ROBO2: variants seen among roughly 807,000 people sequenced by gnomAD.
The protein encoded by ROBO2 is roundabout guidance receptor 2, also known as roundabout homolog 2.
In ROBO2, 53 loss-of-function variants were observed where a neutral mutation model predicts 160.8. The observed-to-expected ratio is 0.33, with a 90% CI of 0.26 to 0.41. The LOEUF is 0.41. ROBO2 is among the 10% of genes least tolerant of loss of function. The probability of loss-of-function intolerance (pLI) is 1.00; values close to 1 mark genes in which losing one functional copy is unlikely to be tolerated. For synonymous variants in ROBO2, 664 were observed against 611.7 expected, an observed-to-expected ratio of 1.09 and a Z score of -1.26; for missense variants, 1,577 against 1,722.4, an observed-to-expected ratio of 0.92 and a Z score of 1.49.
chr3:76,375,030 T>A (rs796486639), intron 2 of ROBO2, among the ~76,000 whole-genome samples: 3 of 151,656 alleles, frequency 2.0e-5, no homozygotes, highest in African/African-American at 7.2e-5. Context: ...TTAGATGGAA[T>A]CACTGAGTTA....
At chr3:77,222,275 A>G (rs916244502) in intron 2 of ROBO2, among the ~76,000 whole-genome samples, 1 of 152,220 alleles carries the variant, frequency 6.6e-6, no homozygotes, top group African/African-American at 2.4e-5. Flanking sequence ...CTATAGAAAT[A>G]TACTACATTG....
At chr3:77,165,304 G>C (rs1456151840) in intron 2 of ROBO2, among the ~76,000 whole-genome samples, 1 of 148,396 alleles carries the variant, frequency 6.7e-6, no homozygotes. Flanking sequence ...TGTCCACTCA[G>C]GGTTAAATGG....
chr3:76,655,455 T>TATATATATATATATATATATATATATATA (rs2091468454), intron 2 of ROBO2, among the ~76,000 whole-genome samples: 4 of 130,980 alleles, frequency 3.1e-5, no homozygotes, highest in Admixed American at 8.1e-5. Context: ...TATATATATA[T>TATATATATATATATATATATATATATATA]GGATTTTTTT....
chr3:76,676,221 A>G (rs1198735363), intron 2 of ROBO2, among the ~76,000 whole-genome samples: 1 of 152,108 alleles, frequency 6.6e-6, no homozygotes, highest in African/African-American at 2.4e-5. Flanking sequence ...TGATTAGATT[A>G]TGGAGGCGAT....
intron 2 of ROBO2, among the ~76,000 whole-genome samples, chr3:76,758,819 G>T (rs550727168): frequency 2.6e-5 from 4 of 151,932 alleles, no homozygotes; most frequent in East Asian, 3.9e-4. Context: ...AATTATAGTG[G>T]GAAGGGCTTT....
In ROBO2 at chr3:77,101,291, A is replaced by ATTTGT. The variant is rs202020622; in HGVS notation, c.388+2970_388+2974dup. ...ATGAGAAGTAGAGGATGATTACTAG[A>ATTTGT]TTTGTTTTGTTTTGTTTTGTTTTTG... On this transcript the variant is annotated intron_variant, in intron 2 of 25. Transcript: ENST00000461745. Among the ~76,000 whole-genome samples, 11 of 152,074 alleles carry ATTTGT rather than the reference A, an allele frequency of 7.2e-5. No homozygotes were observed. The South Asian group carries it at 8.3e-4, about 11-fold the overall frequency.
intron 2 of ROBO2, among the ~76,000 whole-genome samples, chr3:76,471,294 A>G (rs964356133): frequency 6.6e-6 from 1 of 152,188 alleles, no homozygotes; most frequent in African/African-American, 2.4e-5. Flanking sequence ...CTCTTAGACT[A>G]GACACATTTT....
In ROBO2 at chr3:77,121,893, A is replaced by T. The variant is rs577550457; in HGVS notation, c.388+23553A>T. On this transcript the variant is annotated intron_variant, in intron 2 of 25. Coordinates refer to ENST00000461745, the Ensembl canonical transcript of ROBO2. ...TTCATACACATTTCATCTTCACTGC[A>T]AGCCACTGATATTTAGAATTTTATT... 2.0e-4 allele frequency among the ~76,000 whole-genome samples: 31 copies of T among 152,264 alleles called. 1 individual carries two copies. In the South Asian group the frequency reaches 5.6e-3, roughly 27 times the overall value.
At chr3:76,118,997 A>G (rs529058773) in intron 2 of ROBO2, among the ~76,000 whole-genome samples, 1 of 152,266 alleles carries the variant, frequency 6.6e-6, no homozygotes, top group East Asian at 1.9e-4. Flanking sequence ...GTAGGTAAAG[A>G]TCTTCTTCAG....
Position 76,648,948 on chromosome 3 carries a change from C to T in ROBO2, c.110-449066C>T, listed in dbSNP as rs114219588. On this transcript the variant is annotated intron_variant, in intron 2 of 26. Coordinates refer to the ROBO2 transcript ENST00000487694. Reference sequence around the variant, plus strand: ...CATCTTAGTCACAAAATAAGGATGTCGGTGTACAACTATTTTATGCTGCCT... The same window carrying T: ...CATCTTAGTCACAAAATAAGGATGTTGGTGTACAACTATTTTATGCTGCCT... Among the ~76,000 whole-genome samples the T allele has an allele frequency of 3.6e-3, 541 of 152,062 alleles. 1 individual carries two copies. The highest frequency in any genetic ancestry group is 6.5e-3 in the Non-Finnish European group (443 of 67,934).
intron 2 of ROBO2, among the ~76,000 whole-genome samples, chr3:76,798,454 C>T (rs2063943881): frequency 6.6e-6 from 1 of 152,130 alleles, no homozygotes; most frequent in South Asian, 2.1e-4. Flanking sequence ...ACCAGTGGTG[C>T]AAGGATAGTT....
chr3:76,771,420 A>G (rs755870896), intron 2 of ROBO2, among the ~76,000 whole-genome samples: 1 of 151,258 alleles, frequency 6.6e-6, no homozygotes, highest in Non-Finnish European at 1.5e-5. Flanking sequence ...GCACCACTAT[A>G]AGGGTTTGGT....
intron 2 of ROBO2, among the ~76,000 whole-genome samples, chr3:76,720,484 T>C (rs2107707549): frequency 6.6e-6 from 1 of 152,254 alleles, no homozygotes; most frequent in African/African-American, 2.4e-5. Context: ...TCAGAGGCAT[T>C]TACTCTCTGA....
intron 2 of ROBO2, among the ~76,000 whole-genome samples, chr3:76,892,114 C>A (rs1340694244): frequency 6.6e-6 from 1 of 150,850 alleles, no homozygotes; most frequent in Non-Finnish European, 1.5e-5. Context: ...AATAACACTG[C>A]AAATACTGGC....
At chr3:76,302,028 G>A (rs1193366223) in intron 2 of ROBO2, among the ~76,000 whole-genome samples, 2 of 151,964 alleles carry the variant, frequency 1.3e-5, no homozygotes, top group Non-Finnish European at 2.9e-5. Flanking sequence ...ACTTAATGGA[G>A]CAAAGCTTGA....
chr3:77,151,142 A>T (rs151214205), intron 2 of ROBO2, among the ~76,000 whole-genome samples: 18 of 152,310 alleles, frequency 1.2e-4, no homozygotes, highest in African/African-American at 4.1e-4. Context: ...ATGGACAAAG[A>T]TGTATTTTAG....
chr3:76,823,636 G>A (rs1358095763), intron 2 of ROBO2, among the ~76,000 whole-genome samples: 2 of 151,990 alleles, frequency 1.3e-5, no homozygotes, highest in South Asian at 2.1e-4. Context: ...AAGGATGTGA[G>A]GTATTAAAAA....
At chr3:76,377,154 G>T (rs565484111) in intron 2 of ROBO2, among the ~76,000 whole-genome samples, 4 of 152,162 alleles carry the variant, frequency 2.6e-5, no homozygotes, top group African/African-American at 9.6e-5. Context: ...ATATTCAGAA[G>T]ATTTATATCT....
chr3:77,234,248 C>T (rs1158665875), intron 2 of ROBO2, among the ~76,000 whole-genome samples: 3 of 152,170 alleles, frequency 2.0e-5, no homozygotes, highest in Middle Eastern at 3.2e-3. Flanking sequence ...TGATTCTTCC[C>T]CCTCCCATCT....
Sources: gnomAD v4.1 joint callset for allele counts (sites outside exome capture counted in the v4.1 genomes callset) on GRCh38, gnomAD v4.1.1 for gene constraint, MANE v1.5 for transcripts, NCBI Gene and HGNC (gene_info 2026-07-23, HGNC 2026-07-21) for gene names.